Variants in FHIP1A observed in about 807,000 individuals in gnomAD.
FHIP1A encodes the protein FHF complex subunit HOOK interacting protein 1A, also known as FHF complex subunit HOOK-interacting protein 1A.
FHIP1A carries 61 observed loss-of-function variants against 88.6 expected under a neutral mutation model. The observed-to-expected ratio is 0.69, with a 90% CI of 0.56 to 0.85. The LOEUF (loss-of-function observed/expected upper bound fraction) is 0.85, where lower values mean the gene tolerates loss of function less well. Among genes scored for constraint, FHIP1A ranks in the 40% least tolerant of loss-of-function variants. FHIP1A has a pLI of 0.00. For missense variants in FHIP1A, 1,154 were observed against 1,273.5 expected (o/e 0.91, Z 1.43); for synonymous variants, 478 against 496.0 (o/e 0.96, Z 0.48).
intron 7 of FHIP1A, among the ~76,000 whole-genome samples, chr4:151,610,902 C>T (rs976961808): frequency 2.6e-5 from 4 of 152,136 alleles, no homozygotes; most frequent in African/African-American, 9.7e-5. Flanking sequence ...AGGTGGTAAA[C>T]ACCATGAGAG....
rs1733949147 is a variant in FHIP1A at position 151,579,646 on chromosome 4, A to G, written c.732+1570A>G. 2.6e-5 allele frequency among the ~76,000 whole-genome samples: 4 copies of G among 152,182 alleles called. No individual in the cohort carries two copies. The South Asian group carries it at 8.3e-4, about 31-fold the overall frequency. On this transcript the variant is annotated intron_variant, in intron 5 of 13. Coordinates refer to ENST00000435205, the MANE Select transcript of FHIP1A (RefSeq NM_001109977.3). ...AAGATATCTTAAAATAAATCCAACA[A>G]ATACATGAAAGGCCTTTATGGAGAA...
At chr4:151,623,521 C>CTTTT (rs747837424) in intron 7 of FHIP1A, among the ~76,000 whole-genome samples, 25 of 88,214 alleles carry the variant, frequency 2.8e-4, no homozygotes, top group South Asian at 5.3e-4. Flanking sequence ...CTTCCTGGTC[C>CTTTT]TTTTTTTTTT....
chr4:151,435,100 C>G (rs1733751243), intron 1 of FHIP1A, among the ~76,000 whole-genome samples: 2 of 152,054 alleles, frequency 1.3e-5, no homozygotes, highest in African/African-American at 4.8e-5. Flanking sequence ...TTTATCTTTT[C>G]TTTATGTTGG....
chr4:151,550,148 A>T (rs1194895458), intron 3 of FHIP1A, among the ~76,000 whole-genome samples: 1 of 152,030 alleles, frequency 6.6e-6, no homozygotes, highest in African/African-American at 2.4e-5. Flanking sequence ...GGGGTACATG[A>T]GCTGTTTTGT....
At chr4:151,610,735 T>C (rs1735290646) in intron 7 of FHIP1A, among the ~76,000 whole-genome samples, 1 of 152,170 alleles carries the variant, frequency 6.6e-6, no homozygotes, top group African/African-American at 2.4e-5. Context: ...CATCCTCCAA[T>C]GTCCAGACTG....
chr4:151,642,687 A>G (rs1736632224), intron 9 of FHIP1A, among the ~76,000 whole-genome samples: 2 of 152,060 alleles, frequency 1.3e-5, no homozygotes, highest in African/African-American at 2.4e-5. Context: ...GCTTGTGTTT[A>G]TGGTCAGTGT....
intron 7 of FHIP1A, among the ~76,000 whole-genome samples, chr4:151,617,317 A>C (rs565309043): frequency 4.6e-5 from 7 of 152,246 alleles, no homozygotes; most frequent in African/African-American, 1.4e-4. Context: ...ATACTTAAAA[A>C]AAAAAACAAA....
chr4:151,623,614 T>G (rs1735835925), intron 7 of FHIP1A, among the ~76,000 whole-genome samples: 1 of 151,804 alleles, frequency 6.6e-6, no homozygotes, highest in Admixed American at 6.6e-5. Flanking sequence ...CTGAGTCCTT[T>G]CTATGTGTTG....
chr4:151,513,716 A>G (rs1731121047), intron 3 of FHIP1A, among the ~76,000 whole-genome samples: 2 of 152,196 alleles, frequency 1.3e-5, no homozygotes, highest in Non-Finnish European at 2.9e-5. Context: ...AGGCCATGAC[A>G]TAATGGTAAA....
At chr4:151,497,386 C>T (rs915951234) in intron 3 of FHIP1A, among the ~76,000 whole-genome samples, 1 of 152,140 alleles carries the variant, frequency 6.6e-6, no homozygotes, top group African/African-American at 2.4e-5. Context: ...TGGCCAGTCA[C>T]CTGTTTTTTT....
rs535963906 is a variant in FHIP1A, at chr4:151,605,946, T to A, written c.978+17020T>A. 2.4e-4 allele frequency among the ~76,000 whole-genome samples: 36 copies of A among 152,336 alleles called. No homozygotes were observed. In the South Asian group the frequency reaches 7.5e-3, roughly 32 times the overall value. The stretch of plus-strand genomic sequence containing the variant: ...ACTGGCTAGGCATATTTTGGACTTT[T>A]ATGCCCAGTGAAAATAGTGACTGAA... On this transcript the variant is annotated intron_variant, in intron 7 of 13. Transcript: ENST00000435205.
intron 2 of FHIP1A, among the ~76,000 whole-genome samples, chr4:151,469,712 T>G (rs1008091021): frequency 6.6e-6 from 1 of 152,224 alleles, no homozygotes; most frequent in African/African-American, 2.4e-5. Context: ...TTGCTTTTCC[T>G]TATTTTTCTT....
At chr4:151,431,975 A>C (rs573521112) in intron 1 of FHIP1A, among the ~76,000 whole-genome samples, 270 of 152,320 alleles carry the variant, frequency 1.8e-3, no homozygotes, top group African/African-American at 6.2e-3. Flanking sequence ...CCAGATCTCT[A>C]AAGCAAAGCT....
Position 151,662,867 on chromosome 4 carries a change from T to C in FHIP1A, c.*113T>C. On this transcript the variant is annotated 3_prime_UTR_variant, in exon 14 of 14. Transcript: ENST00000435205. ...TTTCTACTTTAATGTTTCCTGACAA[T>C]ACTTGATTTGTGGGGAGGGGAATTT... is the stretch of plus-strand genomic sequence containing the variant. The C allele has an allele frequency of 9.3e-7, 1 of 1,070,226 alleles. No individual in the cohort carries two copies. The highest frequency in any genetic ancestry group is 1.3e-6 in the Non-Finnish European group (1 of 783,918). 66.3% of individuals were successfully genotyped at this position (1,070,226 alleles called of 1,614,324 possible).
rs185422787 is a variant in FHIP1A, at chr4:151,667,015, T to A, written c.*4261T>A. On this transcript the variant is annotated 3_prime_UTR_variant, in exon 14 of 14. Coordinates refer to ENST00000435205, the MANE Select transcript of FHIP1A (RefSeq NM_001109977.3). ...GTAATTGCTAATTACCAGCCCTGTA[T>A]TTACTGAAATGGCTGTCTGTCATGC... 2.0e-5 allele frequency among the ~76,000 whole-genome samples: 3 copies of A among 152,336 alleles called. No homozygotes were observed. The highest frequency in any genetic ancestry group is 2.0e-4 in the Admixed American group (3 of 15,300).
intron 3 of FHIP1A, among the ~76,000 whole-genome samples, chr4:151,536,865 C>T (rs1184382736): frequency 3.3e-5 from 5 of 151,938 alleles, no homozygotes; most frequent in Non-Finnish European, 7.4e-5. Context: ...TACATGTTTG[C>T]TTTTTTATTC....
At chr4:151,638,075 T>C (rs772611179) in intron 8 of FHIP1A, among the ~76,000 whole-genome samples, 1 of 152,156 alleles carries the variant, frequency 6.6e-6, no homozygotes, top group Non-Finnish European at 1.5e-5. Context: ...AAATCAGTGA[T>C]TGATAGAATT....
intron 5 of FHIP1A, among the ~76,000 whole-genome samples, chr4:151,578,711 C>T (rs528902792): frequency 1.3e-5 from 2 of 152,260 alleles, no homozygotes; most frequent in South Asian, 2.1e-4. Flanking sequence ...ACTAAACATA[C>T]TCTTGCCATG....
rs1041711138 is a variant in FHIP1A at position 151,662,607 on chromosome 4, A to AC, written c.2982dup (p.Asn995GlnfsTer40). ...CCCACAGAACCAAGGTGGCTGAGGCACCCCCCAACCTGCCCCTGCCGGTGA... is the reference window on the plus strand; with the variant it reads ...CCCACAGAACCAAGGTGGCTGAGGCACCCCCCCAACCTGCCCCTGCCGGTGA... On this transcript the variant is annotated frameshift_variant, in exon 14 of 14. Coordinates refer to ENST00000435205, the MANE Select transcript of FHIP1A (RefSeq NM_001109977.3). LOFTEE classifies it high-confidence loss of function. The AC allele has an allele frequency of 1.3e-6, 2 of 1,550,990 alleles. No homozygotes were observed. Among genetic ancestry groups the AC allele is most frequent in the East Asian group, 2.4e-5 (1 of 40,878 alleles).
Sources: allele counts gnomAD v4.1 joint callset (sites outside exome capture counted in the v4.1 genomes callset), GRCh38; gene constraint gnomAD v4.1.1; transcripts MANE v1.5; gene names NCBI Gene and HGNC (gene_info 2026-07-23, HGNC 2026-07-21).